CDH12: variants seen among roughly 807,000 people sequenced by gnomAD.
CDH12 encodes the protein cadherin-12.
CDH12 carries 41 observed loss-of-function variants against 74.1 expected under a neutral mutation model. The ratio of observed to expected loss-of-function variants is 0.55; its 90% confidence interval spans 0.43 to 0.72. The LOEUF (loss-of-function observed/expected upper bound fraction) is 0.72. Among genes scored for constraint, CDH12 ranks in the 30% least tolerant of loss-of-function variants. The pLI is 0.00. For missense variants in CDH12, 945 were observed against 977.2 expected, an observed-to-expected ratio of 0.97 and a Z score of 0.44; for synonymous variants, 399 against 355.0, an observed-to-expected ratio of 1.12 and a Z score of -1.39.
intron 5 of CDH12, among the ~76,000 whole-genome samples, chr5:22,064,904 A>G (rs768911198): frequency 6.6e-6 from 1 of 152,176 alleles, no homozygotes; most frequent in African/African-American, 2.4e-5. Context: ...CTGAAATACA[A>G]GAAAAATTGA....
intron 1 of CDH12, among the ~76,000 whole-genome samples, chr5:22,622,286 A>G (rs1435408140): frequency 7.3e-6 from 1 of 137,498 alleles, no homozygotes; most frequent in East Asian, 2.9e-4. Flanking sequence ...CGAGAGGAAC[A>G]TCCCCTACTG....
At chr5:22,643,460 C>T (rs1286465662) in intron 1 of CDH12, among the ~76,000 whole-genome samples, 1 of 152,058 alleles carries the variant, frequency 6.6e-6, no homozygotes, top group Non-Finnish European at 1.5e-5. Flanking sequence ...TCTATTCTAG[C>T]CTCTTTCATA....
intron 1 of CDH12, among the ~76,000 whole-genome samples, chr5:22,728,309 T>C (rs1345976390): frequency 6.6e-6 from 1 of 151,876 alleles, no homozygotes; most frequent in Admixed American, 6.6e-5. Flanking sequence ...AATCTTGTCA[T>C]TTAACTTCTC....
intron 6 of CDH12, among the ~76,000 whole-genome samples, chr5:21,943,113 T>A (rs546231904): frequency 6.6e-6 from 1 of 152,288 alleles, no homozygotes; most frequent in Non-Finnish European, 1.5e-5. Context: ...AAGACGTGCC[T>A]GTTTCCCCTT....
chr5:22,688,931 A>C (rs2126940162), intron 1 of CDH12, among the ~76,000 whole-genome samples: 1 of 152,288 alleles, frequency 6.6e-6, no homozygotes, highest in African/African-American at 2.4e-5. Flanking sequence ...ATGTTTATTT[A>C]ATAATTTTTG....
chr5:21,797,297 C>T (rs528858883), intron 10 of CDH12, among the ~76,000 whole-genome samples: 1 of 152,026 alleles, frequency 6.6e-6, no homozygotes, highest in Non-Finnish European at 1.5e-5. Flanking sequence ...GACAGTTAAG[C>T]AAAGGAAAAC....
chr5:21,796,061 A>C (rs1746761950), intron 10 of CDH12, among the ~76,000 whole-genome samples: 1 of 152,080 alleles, frequency 6.6e-6, no homozygotes, highest in African/African-American at 2.4e-5. Flanking sequence ...ATTATTATTT[A>C]AATTACCTAC....
intron 3 of CDH12, among the ~76,000 whole-genome samples, chr5:22,215,884 A>T (rs4416566): frequency 0.037 from 5,684 of 152,198 alleles, 196 homozygotes; most frequent in African/African-American, 0.094. Flanking sequence ...TCTTTCAAGA[A>T]GTTTAATGAA....
intron 1 of CDH12, among the ~76,000 whole-genome samples, chr5:22,814,977 T>C (rs1057496121): frequency 3.9e-5 from 6 of 152,218 alleles, no homozygotes; most frequent in African/African-American, 1.4e-4. Flanking sequence ...AATAAAAAGA[T>C]GAAGAAATAA....
At chr5:21,964,606 T>C (rs901176027) in intron 6 of CDH12, among the ~76,000 whole-genome samples, 4 of 152,006 alleles carry the variant, frequency 2.6e-5, no homozygotes, top group African/African-American at 9.7e-5. Context: ...ACTATTTTAC[T>C]CTAATAAGTT....
At chr5:22,204,375 A>C (rs1258726484) in intron 4 of CDH12, among the ~76,000 whole-genome samples, 1 of 152,024 alleles carries the variant, frequency 6.6e-6, no homozygotes. Context: ...GTTAGCCAGG[A>C]TGGTCTTGAT....
chr5:22,449,296 G>T lies in CDH12; in HGVS notation c.-427-43945C>A, dbSNP rs112966881. On this transcript the variant is annotated intron_variant, in intron 2 of 14. Transcript: ENST00000382254. ...GAAATCTGAAACTCCTTGTTTTGATGCAATGTGAGTGTCTCTTTACAGGAA... is the reference window on the plus strand; with the variant it reads ...GAAATCTGAAACTCCTTGTTTTGATTCAATGTGAGTGTCTCTTTACAGGAA... Among the ~76,000 whole-genome samples the T allele has an allele frequency of 3.6e-3, 546 of 152,052 alleles. 6 individuals are homozygous for T. The highest frequency in any genetic ancestry group is 0.012 in the African/African-American group (518 of 41,512).
At chr5:22,343,400 T>C (rs1739975663) in intron 3 of CDH12, among the ~76,000 whole-genome samples, 1 of 147,394 alleles carries the variant, frequency 6.8e-6, no homozygotes, top group Non-Finnish European at 1.5e-5. Flanking sequence ...AGAAAAGAAG[T>C]TGCTTTTTTC....
chr5:22,843,161 T>C lies in CDH12; in HGVS notation c.-523+9897A>G, dbSNP rs549013108. 1.6e-4 allele frequency among the ~76,000 whole-genome samples: 25 copies of C among 152,194 alleles called. No homozygotes were observed. The South Asian group carries it at 4.8e-3, about 29-fold the overall frequency. On this transcript the variant is annotated intron_variant, in intron 1 of 14. Transcript: ENST00000382254. ...AAGTTATTAATCATAGCTTTGTGAC[T>C]GGGAAGGAAAATATAGTAATTTTTC...
chr5:22,302,811 C>A (rs1737946666), intron 3 of CDH12, among the ~76,000 whole-genome samples: 1 of 151,968 alleles, frequency 6.6e-6, no homozygotes, highest in South Asian at 2.1e-4. Context: ...AATAAGAAAT[C>A]ATCATGAATG....
chr5:21,899,088 C>T lies in CDH12; in HGVS notation c.527-44298G>A, dbSNP rs79834438. Among the ~76,000 whole-genome samples, 275 of 152,230 alleles carry T rather than the reference C, an allele frequency of 1.8e-3. 1 individual carries two copies. The highest frequency in any genetic ancestry group is 6.2e-3 in the African/African-American group (257 of 41,542). On this transcript the variant is annotated intron_variant, in intron 6 of 14. Coordinates refer to ENST00000382254, the MANE Select transcript of CDH12 (RefSeq NM_004061.5). Reference sequence around the variant, plus strand: ...CCACCTGGGGGTTGTTCCCTCCTACCTTTTCTGTATTTGCTGTAAATTACC... The same window carrying T: ...CCACCTGGGGGTTGTTCCCTCCTACTTTTTCTGTATTTGCTGTAAATTACC...
intron 1 of CDH12, among the ~76,000 whole-genome samples, chr5:22,759,549 A>G (rs909677414): frequency 2.0e-5 from 3 of 152,132 alleles, no homozygotes; most frequent in East Asian, 1.9e-4. Context: ...TAGCCCCTCA[A>G]TCCACAGTTA....
rs1305443365 is a variant in CDH12 at position 22,698,710 on chromosome 5, T to G, written c.-523+154348A>C. Among the ~76,000 whole-genome samples, 43 of 13,418 alleles carry G rather than the reference T, an allele frequency of 3.2e-3. 1 individual carries two copies. Among genetic ancestry groups the G allele is most frequent in the African/African-American group, 0.012 (35 of 2,984 alleles). 8.8% of individuals were successfully genotyped at this position (13,418 alleles called of 152,430 possible). On this transcript the variant is annotated intron_variant, in intron 1 of 14. Coordinates refer to ENST00000382254, the MANE Select transcript of CDH12 (RefSeq NM_004061.5). ...ATATATATATATATATATATATATA[T>G]ATATATATATATATATATATATATA...
chr5:22,851,793 C>T (rs1246690947), intron 1 of CDH12, among the ~76,000 whole-genome samples: 1 of 152,030 alleles, frequency 6.6e-6, no homozygotes, highest in Non-Finnish European at 1.5e-5. Context: ...AAAACTTACT[C>T]GGTTGAATTC....
Sources: gnomAD v4.1 joint callset for allele counts (sites outside exome capture counted in the v4.1 genomes callset) on GRCh38, gnomAD v4.1.1 for gene constraint, MANE v1.5 for transcripts, NCBI Gene and HGNC (gene_info 2026-07-23, HGNC 2026-07-21) for gene names.